The following MYOM1 variants were observed in gnomAD, a reference collection of about 807,000 sequenced individuals.
The protein encoded by MYOM1 is myomesin-1.
Under a neutral mutation model 205.3 loss-of-function variants are expected in MYOM1, and 164 were observed. The observed-to-expected ratio is 0.80, with a 90% confidence interval of 0.70 to 0.91. The LOEUF (loss-of-function observed/expected upper bound fraction) is 0.91. Ranked by LOEUF, MYOM1 falls within the 40% of genes least tolerant of loss-of-function variation. MYOM1 has a pLI of 0.00. For synonymous variants in MYOM1, 772 were observed against 789.4 expected, an observed-to-expected ratio of 0.98 and a Z score of 0.37; for missense variants, 2,011 against 2,127.3, an observed-to-expected ratio of 0.95 and a Z score of 1.08.
the MYOM1 span, among the ~76,000 whole-genome samples, chr18:3,230,971 T>C: frequency 6.6e-6 from 1 of 152,216 alleles, no homozygotes; most frequent in African/African-American, 2.4e-5. Context: ...TACTAAATAA[T>C]AGAGCTGGGA....
In MYOM1 at chr18:3,078,209, T is replaced by G. The variant is rs180878781; in HGVS notation, c.4648+970A>C. Among the ~76,000 whole-genome samples the G allele has an allele frequency of 8.3e-3, 1,256 of 151,948 alleles. 24 individuals are homozygous for G. The highest frequency in any genetic ancestry group is 0.028 in the African/African-American group (1,155 of 41,444). The stretch of plus-strand genomic sequence containing the variant: ...GGCATGTGCCACCACAGCCAGCTAA[T>G]TTTTGTATTTTTAGTAGAGACGCGG... On this transcript the variant is annotated intron_variant, in intron 34 of 37. Transcript: ENST00000356443.
chr18:3,186,102 A>C (rs1252498058), intron 5 of MYOM1, among the ~76,000 whole-genome samples: 2 of 152,184 alleles, frequency 1.3e-5, no homozygotes, highest in African/African-American at 4.8e-5. Flanking sequence ...AGGCTGAGGC[A>C]GGAGAATTGC....
intron 31 of MYOM1, among the ~76,000 whole-genome samples, chr18:3,084,304 G>A (rs1288779741): frequency 6.6e-6 from 1 of 152,118 alleles, no homozygotes; most frequent in African/African-American, 2.4e-5. Flanking sequence ...GAGATTTCTA[G>A]GAAGGTTCTT....
chr18:3,211,348 A>G (rs967316315), intron 2 of MYOM1, among the ~76,000 whole-genome samples: 4 of 152,220 alleles, frequency 2.6e-5, no homozygotes, highest in African/African-American at 9.6e-5. Flanking sequence ...TAGACTTTCT[A>G]GAGCAATGGT....
chr18:3,176,178 C>G, intron 5 of MYOM1, 44 bp from the exon 6 acceptor site: 4 of 1,159,344 alleles, frequency 3.5e-6, no homozygotes, highest in Non-Finnish European at 5.2e-6. Flanking sequence ...GAAGTGTAAA[C>G]AACTTCATGA....
chr18:3,087,840 G>C (rs2079172906), intron 29 of MYOM1, among the ~76,000 whole-genome samples: 1 of 152,058 alleles, frequency 6.6e-6, no homozygotes, highest in African/African-American at 2.4e-5. Context: ...CTAGCGCCAA[G>C]CAAGACCCAC....
intron 2 of MYOM1, among the ~76,000 whole-genome samples, chr18:3,214,141 C>T (rs1249351422): frequency 6.6e-6 from 1 of 151,994 alleles, no homozygotes; most frequent in Non-Finnish European, 1.5e-5. Context: ...ATAGTAGTTC[C>T]GAATTTTAAG....
chr18:3,172,718 C>A (rs1373060174), intron 8 of MYOM1, among the ~76,000 whole-genome samples: 2 of 152,152 alleles, frequency 1.3e-5, no homozygotes, highest in Admixed American at 6.6e-5. Context: ...TGATGTTGCA[C>A]CAGGCTGGTC....
At position 3,135,214 on chromosome 18, in the gene MYOM1, T is replaced by G. The variant is rs2079938290; in HGVS notation, c.2209+333A>C. ...ATCTGCCTGCCTCGGCCTCCCAAAGTGCTCAGATTACAGACATGAGCCACC... is the reference window on the plus strand; with the variant it reads ...ATCTGCCTGCCTCGGCCTCCCAAAGGGCTCAGATTACAGACATGAGCCACC... On this transcript the variant is annotated intron_variant, in intron 15 of 37. Transcript: ENST00000356443. This position sits in a 1 kb window ranked among gnomAD's most constrained non-coding sequence, Gnocchi z 4.1. 1 of 285,836 alleles carries G rather than the reference T, an allele frequency of 3.5e-6. No homozygotes were observed. The highest frequency in any genetic ancestry group is 4.7e-5 in the South Asian group (1 of 21,114). The allele number at this position is 285,836 out of a possible 1,614,324, so 17.7% of individuals were successfully genotyped here.
intron 2 of MYOM1, among the ~76,000 whole-genome samples, chr18:3,198,675 T>C (rs1409264916): frequency 6.6e-6 from 1 of 150,936 alleles, no homozygotes; most frequent in Non-Finnish European, 1.5e-5. Context: ...TCCCAGCTAC[T>C]AAGGAGGCTG....
At chr18:3,094,632 T>A (rs1567902467) in intron 25 of MYOM1, among the ~76,000 whole-genome samples, 1 of 152,022 alleles carries the variant, frequency 6.6e-6, no homozygotes, top group Non-Finnish European at 1.5e-5. Context: ...AACTTTCTAC[T>A]GTGGCTTTTG....
chr18:3,139,950 G>A (rs1567929164), intron 14 of MYOM1, among the ~76,000 whole-genome samples: 1 of 152,174 alleles, frequency 6.6e-6, no homozygotes, highest in Non-Finnish European at 1.5e-5. Flanking sequence ...TAGTTGTTAT[G>A]TGCCCTTATT....
intron 34 of MYOM1, among the ~76,000 whole-genome samples, chr18:3,077,515 G>C (rs1165922738): frequency 1.3e-5 from 2 of 152,128 alleles, no homozygotes; most frequent in Non-Finnish European, 2.9e-5. Flanking sequence ...GGGTAGACCA[G>C]TTAGGCGGAC....
At chr18:3,087,633 G>A (rs71356087) in intron 29 of MYOM1, among the ~76,000 whole-genome samples, 24,638 of 151,756 alleles carry the variant, frequency 0.16, 2,353 homozygotes, top group Non-Finnish European at 0.18. Context: ...GGAACCACAG[G>A]TGCCTGCCAC....
intron 27 of MYOM1, 21 bp downstream of exon 27, chr18:3,090,637 A>G: frequency 6.2e-7 from 1 of 1,613,558 alleles, no homozygotes; most frequent in Non-Finnish European, 8.5e-7. Context: ...CCTGCTGGTT[A>G]ATGTTCCACG....
intron 14 of MYOM1, among the ~76,000 whole-genome samples, chr18:3,136,128 T>TCC (rs397716489): frequency 1.8e-4 from 27 of 151,698 alleles, no homozygotes; most frequent in African/African-American, 6.3e-4. Flanking sequence ...TCCTTCTGTC[T>TCC]TGCCTGCCAC....
At chr18:3,116,256 T>A (rs2143817654) in intron 21 of MYOM1, 75 bp downstream of exon 21, 1 of 1,460,744 alleles carries the variant, frequency 6.8e-7, no homozygotes, top group East Asian at 2.4e-5. Context: ...ATATTCTGTT[T>A]TATCTTGCTA....
At chr18:3,088,201 C>CA (rs1446439841) in intron 29 of MYOM1, among the ~76,000 whole-genome samples, 5 of 152,094 alleles carry the variant, frequency 3.3e-5, no homozygotes, top group Non-Finnish European at 1.5e-5. Context: ...CAGAGGGAAA[C>CA]AGCAAGCGCA....
chr18:3,127,111 T>C (rs1331242075), intron 18 of MYOM1, among the ~76,000 whole-genome samples: 2 of 151,852 alleles, frequency 1.3e-5, no homozygotes, highest in Non-Finnish European at 2.9e-5. Context: ...GAACCTGTCC[T>C]AGCAAAATGG....
Sources: gnomAD v4.1 joint callset for allele counts (sites outside exome capture counted in the v4.1 genomes callset) on GRCh38, gnomAD v4.1.1 for gene constraint, Gnocchi (gnomAD v3.1) non-coding constraint, MANE v1.5 for transcripts, NCBI Gene and HGNC (gene_info 2026-07-23, HGNC 2026-07-21) for gene names.